Variants in C1orf146 observed in about 807,000 individuals in gnomAD.
C1orf146 encodes chromosome 1 open reading frame 146, also known as protein SPO16 homolog.
Under a neutral mutation model 23.0 loss-of-function variants are expected in C1orf146, and 22 were observed. That is an observed-to-expected ratio of 0.96 (90% CI 0.68 to 1.36). The LOEUF is 1.36. Ranked by LOEUF, C1orf146 falls within the 40% of genes most tolerant of loss-of-function variation. C1orf146 has a pLI of 0.00. For synonymous variants in C1orf146, 59 were observed against 65.3 expected, an observed-to-expected ratio of 0.90 and a Z score of 0.47; for missense variants, 199 against 206.8, an observed-to-expected ratio of 0.96 and a Z score of 0.23.
intron 5 of C1orf146, among the ~76,000 whole-genome samples, chr1:92,245,229 T>G (rs1652566505): frequency 6.6e-6 from 1 of 152,214 alleles, no homozygotes; most frequent in Non-Finnish European, 1.5e-5. Context: ...TCTTGCTTTT[T>G]GTCCTCTGCA....
At chr1:92,233,901 G>A (rs998188194) in intron 2 of C1orf146, among the ~76,000 whole-genome samples, 1 of 152,046 alleles carries the variant, frequency 6.6e-6, no homozygotes, top group Non-Finnish European at 1.5e-5. Context: ...TCATGATTTG[G>A]CTCTCTGTTT....
At position 92,244,303 on chromosome 1, in the gene C1orf146, A is replaced by AT. The variant is rs1395426947; in HGVS notation, c.249dup (p.His84SerfsTer4). 6.2e-7 allele frequency: 1 copy of AT among 1,610,954 alleles called. No homozygotes were observed. The highest frequency in any genetic ancestry group is 8.5e-7 in the Non-Finnish European group (1 of 1,177,582). ...AGCCAAAATTGAGAAATTTATTAAC[A>AT]TTCACCAAAATAGTTTTTTGGTTTT... On this transcript the variant is annotated frameshift_variant, in exon 4 of 6. Coordinates refer to ENST00000370375, the MANE Select transcript of C1orf146 (RefSeq NM_001012425.2). LOFTEE classifies it high-confidence loss of function.
intron 3 of C1orf146, among the ~76,000 whole-genome samples, chr1:92,242,928 T>G (rs1464467378): frequency 6.6e-6 from 1 of 152,210 alleles, no homozygotes; most frequent in African/African-American, 2.4e-5. Context: ...AAATAGACTC[T>G]TCTAGCAGTT....
intron 1 of C1orf146, among the ~76,000 whole-genome samples, chr1:92,227,265 G>A (rs979434881): frequency 7.2e-5 from 11 of 152,124 alleles, no homozygotes; most frequent in African/African-American, 1.9e-4. Flanking sequence ...GTATTTGGCC[G>A]GGCGTGGTGG....
intron 1 of C1orf146, among the ~76,000 whole-genome samples, chr1:92,220,350 T>G (rs1383804271): frequency 1.3e-5 from 2 of 152,192 alleles, no homozygotes; most frequent in Admixed American, 6.5e-5. Context: ...ACACATACAG[T>G]CATGCATTGC....
At chr1:92,241,932 T>C (rs1011580169) in intron 2 of C1orf146, among the ~76,000 whole-genome samples, 2 of 152,192 alleles carry the variant, frequency 1.3e-5, no homozygotes, top group African/African-American at 4.8e-5. Flanking sequence ...TTTGCTCTGG[T>C]TTATACAGTT....
intron 2 of C1orf146, among the ~76,000 whole-genome samples, chr1:92,236,425 C>T (rs529011276): frequency 5.9e-5 from 9 of 151,790 alleles, no homozygotes; most frequent in South Asian, 2.1e-4. Flanking sequence ...TTAAGAATGT[C>T]GAATATTGGC....
At position 92,243,660 on chromosome 1, in the gene C1orf146, A is replaced by G. The variant is rs374104229; in HGVS notation, c.161-557A>G. ...GCACCCAGCCAAAGGCTTGCTTAAG[A>G]CTCTCTTTCTTTAGCTGATTTCCAG... On this transcript the variant is annotated intron_variant, in intron 3 of 5. Transcript: ENST00000370375. 1.6e-3 allele frequency among the ~76,000 whole-genome samples: 241 copies of G among 152,054 alleles called. 1 individual carries two copies. In the South Asian group the frequency reaches 0.018, roughly 11 times the overall value.
chr1:92,231,385 G>A lies in C1orf146; in HGVS notation c.-36G>A. The A allele has an allele frequency of 7.0e-7, 1 of 1,433,778 alleles. No individual in the cohort carries two copies. Among genetic ancestry groups the A allele is most frequent in the Non-Finnish European group, 9.5e-7 (1 of 1,047,130 alleles). The allele number at this position is 1,433,778 out of a possible 1,614,324, so 88.8% of individuals were successfully genotyped here. ...TTTGTGTTCTTAATTTTCTCAGATT[G>A]TTGCACCATTAGAAGCTAGGTTGAT... On this transcript the variant is annotated 5_prime_UTR_variant, in exon 2 of 6. Coordinates refer to ENST00000370375, the MANE Select transcript of C1orf146 (RefSeq NM_001012425.2).
chr1:92,233,951 C>T (rs1280601804), intron 2 of C1orf146, among the ~76,000 whole-genome samples: 1 of 152,146 alleles, frequency 6.6e-6, no homozygotes, highest in East Asian at 1.9e-4. Flanking sequence ...GATTTTTGTA[C>T]ATTGATTTTG....
chr1:92,228,841 C>G (rs1652033079), intron 1 of C1orf146, among the ~76,000 whole-genome samples: 1 of 152,214 alleles, frequency 6.6e-6, no homozygotes, highest in Admixed American at 6.5e-5. Flanking sequence ...AAATCAGCAA[C>G]AAGTTCTATG....
chr1:92,237,675 T>C (rs1020936492), intron 2 of C1orf146, among the ~76,000 whole-genome samples: 4 of 152,206 alleles, frequency 2.6e-5, no homozygotes, highest in Admixed American at 6.5e-5. Flanking sequence ...GCGTTGCTCA[T>C]GCTGGGAGCT....
At chr1:92,244,962 C>T (rs879178227) in intron 5 of C1orf146, 105 bp downstream of exon 5, 2 of 662,388 alleles carry the variant, frequency 3.0e-6, no homozygotes, top group East Asian at 2.7e-5. Context: ...TGCTTCTGTT[C>T]CCCTGCGGGA....
intron 1 of C1orf146, among the ~76,000 whole-genome samples, chr1:92,221,150 C>T (rs1312269437): frequency 6.6e-6 from 1 of 152,058 alleles, no homozygotes; most frequent in African/African-American, 2.4e-5. Context: ...ACTATGCAGC[C>T]ATGAAAAGAA....
chr1:92,222,145 G>T (rs1651832877), intron 1 of C1orf146, among the ~76,000 whole-genome samples: 1 of 152,146 alleles, frequency 6.6e-6, no homozygotes, highest in Admixed American at 6.5e-5. Context: ...GGAGGCTGAG[G>T]CACGAGAACC....
chr1:92,238,900 A>G (rs1652362527), intron 2 of C1orf146, among the ~76,000 whole-genome samples: 1 of 152,010 alleles, frequency 6.6e-6, no homozygotes, highest in African/African-American at 2.4e-5. Context: ...TTTTATTTTA[A>G]AGATTTGACT....
At chr1:92,230,725 G>A (rs1223896054) in intron 1 of C1orf146, among the ~76,000 whole-genome samples, 1 of 151,948 alleles carries the variant, frequency 6.6e-6, no homozygotes, top group Non-Finnish European at 1.5e-5. Flanking sequence ...GGCTAGGATC[G>A]CACCCCTGTA....
At chr1:92,231,606 A>T (rs1044325460) in intron 2 of C1orf146, 120 bp downstream of exon 2, 4 of 579,986 alleles carry the variant, frequency 6.9e-6, no homozygotes, top group Non-Finnish European at 1.2e-5. Flanking sequence ...GGGGAGCAGG[A>T]AGTACATAAG....
intron 1 of C1orf146, among the ~76,000 whole-genome samples, chr1:92,224,344 G>A (rs1434568720): frequency 2.6e-5 from 4 of 152,098 alleles, no homozygotes; most frequent in Non-Finnish European, 2.9e-5. Flanking sequence ...CACCATGCTC[G>A]GCCAGAGAGA....
Sources: allele counts gnomAD v4.1 joint callset (sites outside exome capture counted in the v4.1 genomes callset), GRCh38; gene constraint gnomAD v4.1.1; transcripts MANE v1.5; gene names NCBI Gene and HGNC (gene_info 2026-07-23, HGNC 2026-07-21).